FBXL2: variants seen among roughly 807,000 people sequenced by gnomAD.
The protein encoded by FBXL2 is F-box and leucine rich repeat protein 2, also known as F-box/LRR-repeat protein 2.
Under a neutral mutation model 69.2 loss-of-function variants are expected in FBXL2, and 38 were observed. That is an observed-to-expected ratio of 0.55 (90% confidence interval 0.42 to 0.72). The LOEUF (loss-of-function observed/expected upper bound fraction) is 0.72, where lower values mean the gene tolerates loss of function less well. FBXL2 is among the 30% of genes least tolerant of loss of function. The pLI is 0.00. For missense variants in FBXL2, 354 were observed against 520.3 expected, an observed-to-expected ratio of 0.68 and a Z score of 3.11; for synonymous variants, 192 against 201.3, an observed-to-expected ratio of 0.95 and a Z score of 0.39.
chr3:33,377,027 CA>C (rs1173901930), intron 10 of FBXL2, among the ~76,000 whole-genome samples: 1 of 151,880 alleles, frequency 6.6e-6, no homozygotes, highest in Non-Finnish European at 1.5e-5. Flanking sequence ...AAAACAAAAC[CA>C]AAAAACAAAT....
rs202199603 is a variant in FBXL2, at chr3:33,383,921, C to CT, written c.952-60dup. 1.0e-4 allele frequency: 156 copies of CT among 1,514,394 alleles called. 2 individuals carry two copies. The highest frequency in any genetic ancestry group is 3.1e-4 in the South Asian group (27 of 87,864). 93.8% of individuals were successfully genotyped at this position (1,514,394 alleles called of 1,614,324 possible). A position where few individuals can be genotyped will look rare whatever the true frequency, so the allele number is the denominator to read the frequency against. Reference sequence around the variant, plus strand: ...GAAGGGCAAAAAGGCTAGCTTCCAGCTTTTTTTTAGGACTTGAGCCTTGGA... The same window carrying CT: ...GAAGGGCAAAAAGGCTAGCTTCCAGCTTTTTTTTTAGGACTTGAGCCTTGGA... On this transcript the variant is annotated intron_variant, in intron 13 of 14. Transcript: ENST00000484457.
chr3:33,320,129 A>G (rs2038068284), intron 2 of FBXL2, among the ~76,000 whole-genome samples: 2 of 152,210 alleles, frequency 1.3e-5, no homozygotes, highest in African/African-American at 2.4e-5. Context: ...CTGACTCTGA[A>G]TGTATATGAT....
At chr3:33,419,744 C>A in the FBXL2 span, among the ~76,000 whole-genome samples, 1 of 151,910 alleles carries the variant, frequency 6.6e-6, no homozygotes, top group Non-Finnish European at 1.5e-5. Context: ...ATTGAGAGAA[C>A]AACCAGACTT....
At chr3:33,321,953 A>G (rs1475024583) in intron 2 of FBXL2, among the ~76,000 whole-genome samples, 2 of 152,118 alleles carry the variant, frequency 1.3e-5, no homozygotes, top group African/African-American at 2.4e-5. Context: ...CACTTCAGAA[A>G]ACAGTTTGTC....
At chr3:33,293,672 C>G (rs975521162) in intron 1 of FBXL2, among the ~76,000 whole-genome samples, 1 of 151,952 alleles carries the variant, frequency 6.6e-6, no homozygotes, top group African/African-American at 2.4e-5. Context: ...GGTGAAATCT[C>G]ACAACTTTGA....
chr3:33,280,645 C>G (rs1430205073), intron 1 of FBXL2, among the ~76,000 whole-genome samples: 1 of 141,266 alleles, frequency 7.1e-6, no homozygotes, highest in Admixed American at 7.6e-5. Flanking sequence ...TCCAGGAGCT[C>G]AAGGCTGTGC....
intron 5 of FBXL2, among the ~76,000 whole-genome samples, chr3:33,365,721 CCAAACAAACAAACAAA>C (rs368354903): frequency 2.9e-5 from 4 of 138,008 alleles, no homozygotes; most frequent in Admixed American, 7.9e-5. Flanking sequence ...GACTCTTCGA[CCAAACAAACAAACAAA>C]CAAACAAACA....
Position 33,363,574 on chromosome 3 carries a change from C to G in FBXL2, c.196-1051C>G, listed in dbSNP as rs534567455. 5.3e-5 allele frequency among the ~76,000 whole-genome samples: 8 copies of G among 152,222 alleles called. No individual in the cohort carries two copies. The East Asian group carries it at 1.5e-3, about 29-fold the overall frequency. ...ACCTCAGCTGGTGATGGTTCTTTAC[C>G]TGGTGGAATGACTCAGACCTTTATT... On this transcript the variant is annotated intron_variant, in intron 4 of 14. Coordinates refer to ENST00000484457, the MANE Select transcript of FBXL2 (RefSeq NM_012157.5).
chr3:33,413,328 C>T, the FBXL2 span, among the ~76,000 whole-genome samples: 2 of 125,116 alleles, frequency 1.6e-5, no homozygotes, highest in Admixed American at 9.4e-5. Context: ...GGGAGGATCA[C>T]GAGGTCAGGG....
At position 33,360,624 on chromosome 3, in the gene FBXL2, T is replaced by G. The variant is rs905146621; in HGVS notation, c.195+1267T>G. ...TGTTCTTTAGTGCTCTTTTGAGACT[T>G]AACAGCAGTGATTACAATAGTACTC... On this transcript the variant is annotated intron_variant, in intron 4 of 14. Coordinates refer to ENST00000484457, the MANE Select transcript of FBXL2 (RefSeq NM_012157.5). Among the ~76,000 whole-genome samples the G allele has an allele frequency of 6.6e-5, 10 of 152,270 alleles. No homozygotes were observed. The South Asian group carries it at 1.4e-3, about 22-fold the overall frequency.
intron 1 of FBXL2, among the ~76,000 whole-genome samples, chr3:33,293,120 T>C (rs1013145824): frequency 2.0e-5 from 3 of 152,238 alleles, no homozygotes; most frequent in Non-Finnish European, 2.9e-5. Flanking sequence ...CCCTCCAAAG[T>C]GCTGGGATTA....
chr3:33,285,247 A>G (rs1279712152), intron 1 of FBXL2, among the ~76,000 whole-genome samples: 2 of 152,146 alleles, frequency 1.3e-5, no homozygotes, highest in Admixed American at 6.5e-5. Flanking sequence ...TGGTGACAAA[A>G]TCTCTCAGCA....
At chr3:33,396,524 A>T (rs1053689697) in intron 12 of FBXL2, 1 of 486,344 alleles carries the variant, frequency 2.1e-6, no homozygotes, top group Non-Finnish European at 3.7e-6. Context: ...ATGCTGGTAA[A>T]TTTAAGTTTC....
At chr3:33,330,820 C>T (rs1206701073) in intron 2 of FBXL2, among the ~76,000 whole-genome samples, 1 of 151,800 alleles carries the variant, frequency 6.6e-6, no homozygotes, top group Non-Finnish European at 1.5e-5. Context: ...ACCTGGGAGG[C>T]GGAGGTTGCA....
At chr3:33,390,307 A>G, downstream of FBXL2, 1 of 1,611,774 alleles carries the variant, frequency 6.2e-7, no homozygotes, top group Middle Eastern at 1.7e-4. Context: ...TTGGTACTGA[A>G]TACAGTTCAG....
At chr3:33,302,469 A>C (rs2036377966) in intron 2 of FBXL2, among the ~76,000 whole-genome samples, 1 of 152,176 alleles carries the variant, frequency 6.6e-6, no homozygotes, top group African/African-American at 2.4e-5. Context: ...TATAAATTAT[A>C]ATAGTAATTT....
At chr3:33,339,321 C>G (rs1223640786) in intron 2 of FBXL2, among the ~76,000 whole-genome samples, 3 of 152,158 alleles carry the variant, frequency 2.0e-5, no homozygotes, top group Non-Finnish European at 4.4e-5. Flanking sequence ...TTATACACTA[C>G]TGGTGGGACT....
chr3:33,277,545 GC>G (rs1327899539), intron 1 of FBXL2, 30 bp downstream of exon 1: 24 of 1,281,066 alleles, frequency 1.9e-5, no homozygotes, highest in Admixed American at 3.9e-5. Flanking sequence ...CTGCCTAGCT[GC>G]CCCGCCCTAC....
intron 12 of FBXL2, chr3:33,393,257 A>G: frequency 6.6e-7 from 1 of 1,506,702 alleles, no homozygotes; most frequent in South Asian, 1.3e-5. Context: ...TTCTACAATT[A>G]CATGTATAAA....
Sources: gnomAD v4.1 joint callset for allele counts (sites outside exome capture counted in the v4.1 genomes callset) on GRCh38, gnomAD v4.1.1 for gene constraint, MANE v1.5 for transcripts, NCBI Gene and HGNC (gene_info 2026-07-23, HGNC 2026-07-21) for gene names.